Variants in DPP6 observed in about 807,000 individuals in gnomAD.
The protein encoded by DPP6 is A-type potassium channel modulatory protein DPP6.
In DPP6, 69 loss-of-function variants were observed where a neutral mutation model predicts 122.6. The ratio of observed to expected loss-of-function variants is 0.56; its 90% CI spans 0.46 to 0.69. DPP6 has a LOEUF of 0.69. Ranked by LOEUF, DPP6 falls within the 30% of genes least tolerant of loss-of-function variation. The pLI is 0.00. For missense variants in DPP6, 928 were observed against 1,116.9 expected (o/e 0.83, Z 2.41); for synonymous variants, 418 against 433.1 (o/e 0.97, Z 0.43).
Position 153,920,561 on chromosome 7 carries a change from C to CTTTTTTTTTTTTTTTTTTTT in DPP6, c.51+32828_51+32829insTTTTTTTTTTTTTTTTTTTT, listed in dbSNP as rs1489811189. On this transcript the variant is annotated intron_variant, in intron 1 of 25. Transcript: ENST00000404039. The stretch of plus-strand genomic sequence containing the variant: ...TAGTCAACCTTTTTCTTTTATCTCT[C>CTTTTTTTTTTTTTTTTTTTT]TCTTTTTTTTTTTTTTTTTGAGATG... 1.8e-4 allele frequency among the ~76,000 whole-genome samples: 11 copies of CTTTTTTTTTTTTTTTTTTTT among 62,478 alleles called. 3 individuals carry two copies. The highest frequency in any genetic ancestry group is 1.5e-4 in the African/African-American group (2 of 13,392). The allele number at this position is 62,478 out of a possible 152,430, so 41.0% of individuals were successfully genotyped here. A position where few individuals can be genotyped will look rare whatever the true frequency, so the allele number is the denominator to read the frequency against.
chr7:154,448,488 A>C (rs758583133), intron 2 of DPP6, among the ~76,000 whole-genome samples: 4 of 152,206 alleles, frequency 2.6e-5, no homozygotes, highest in Non-Finnish European at 5.9e-5. Context: ...CATATCATTA[A>C]CATGACAATA....
chr7:154,080,915 TGGATG>T (rs1270571139), intron 1 of DPP6, among the ~76,000 whole-genome samples: 6 of 152,132 alleles, frequency 3.9e-5, no homozygotes, highest in African/African-American at 1.4e-4. Context: ...TGGGTGTGCC[TGGATG>T]CTGAGAAAAC....
chr7:154,402,248 G>C (rs957705076), intron 1 of DPP6, among the ~76,000 whole-genome samples: 3 of 152,134 alleles, frequency 2.0e-5, no homozygotes, highest in South Asian at 4.2e-4. Flanking sequence ...CCATTACTGG[G>C]TATATACCCA....
chr7:153,837,549 T>TA, the DPP6 span, among the ~76,000 whole-genome samples: 1 of 152,206 alleles, frequency 6.6e-6, no homozygotes, highest in African/African-American at 2.4e-5. Context: ...ACCTGTTAAT[T>TA]AAAAATCCCT....
At chr7:154,079,024 C>T (rs558861449) in intron 1 of DPP6, among the ~76,000 whole-genome samples, 16 of 151,018 alleles carry the variant, frequency 1.1e-4, no homozygotes, top group South Asian at 4.2e-4. Context: ...TTTGGGAGGC[C>T]GAGGTGGGTG....
intron 4 of DPP6, among the ~76,000 whole-genome samples, chr7:154,554,503 C>A (rs1342650540): frequency 6.6e-6 from 1 of 152,028 alleles, no homozygotes; most frequent in South Asian, 2.1e-4. Flanking sequence ...TAACAACCAC[C>A]TTTTCTTCTC....
At chr7:153,752,968 T>G in the DPP6 span, among the ~76,000 whole-genome samples, 13 of 152,192 alleles carry the variant, frequency 8.5e-5, no homozygotes, top group Non-Finnish European at 1.5e-4. Flanking sequence ...AGTTTGCATA[T>G]AGTAAGCATT....
At chr7:153,805,728 C>A in the DPP6 span, among the ~76,000 whole-genome samples, 1 of 152,232 alleles carries the variant, frequency 6.6e-6, no homozygotes, top group Middle Eastern at 3.4e-3. Context: ...TGGAAACCAT[C>A]ATTCTCAGCA....
intron 1 of DPP6, among the ~76,000 whole-genome samples, chr7:153,966,600 CCTT>C (rs140524912): frequency 0.56 from 20,398 of 36,740 alleles, 2,818 homozygotes; most frequent in African/African-American, 0.59. Flanking sequence ...TGCATATAGC[CCTT>C]TTTTTTTAAA....
intron 1 of DPP6, among the ~76,000 whole-genome samples, chr7:154,128,418 T>C (rs186220797): frequency 0.03 from 4,562 of 152,300 alleles, 93 homozygotes; most frequent in Middle Eastern, 0.048. Context: ...TTTTCTTTTT[T>C]TGAGACGGAG....
At chr7:153,770,371 G>A in the DPP6 span, among the ~76,000 whole-genome samples, 2 of 152,118 alleles carry the variant, frequency 1.3e-5, no homozygotes, top group African/African-American at 4.8e-5. Flanking sequence ...GGCTGAAGCC[G>A]AGGACAAAGA....
intron 1 of DPP6, among the ~76,000 whole-genome samples, chr7:154,232,992 C>G (rs556851645): frequency 6.6e-6 from 1 of 152,162 alleles, no homozygotes; most frequent in African/African-American, 2.4e-5. Flanking sequence ...ATTTCCTGCT[C>G]GTGTCAAAAA....
At chr7:154,120,162 A>AT (rs953836006) in intron 1 of DPP6, among the ~76,000 whole-genome samples, 4 of 150,706 alleles carry the variant, frequency 2.7e-5, no homozygotes, top group Non-Finnish European at 4.4e-5. Context: ...ACACTTTATA[A>AT]TTTTTTTTTA....
chr7:154,066,714 G>A (rs1802756257), intron 1 of DPP6, among the ~76,000 whole-genome samples: 1 of 151,614 alleles, frequency 6.6e-6, no homozygotes, highest in Admixed American at 6.6e-5. Flanking sequence ...AGTGGATATT[G>A]TACAATAAAG....
At chr7:153,827,928 A>G in the DPP6 span, among the ~76,000 whole-genome samples, 80 of 152,330 alleles carry the variant, frequency 5.3e-4, no homozygotes, top group Admixed American at 4.6e-3. Flanking sequence ...CAAGGAGCCT[A>G]GTAGAGTCGG....
chr7:154,831,185 CA>C (rs1444526111), intron 16 of DPP6, among the ~76,000 whole-genome samples: 2 of 152,206 alleles, frequency 1.3e-5, no homozygotes, highest in Admixed American at 1.3e-4. Context: ...CACACCAATC[CA>C]CGACCAGTCG....
intron 1 of DPP6, among the ~76,000 whole-genome samples, chr7:154,182,181 C>G (rs975784774): frequency 3.9e-5 from 6 of 152,084 alleles, no homozygotes; most frequent in Non-Finnish European, 8.8e-5. Context: ...TTGCAAAATA[C>G]CATTGCACAC....
the DPP6 span, among the ~76,000 whole-genome samples, chr7:153,854,404 A>C: frequency 6.6e-6 from 1 of 151,744 alleles, no homozygotes; most frequent in African/African-American, 2.4e-5. Context: ...AAAAACAAAC[A>C]ACCCCATCAA....
intron 3 of DPP6, among the ~76,000 whole-genome samples, chr7:154,534,105 T>C (rs1161579357): frequency 1.3e-5 from 2 of 152,142 alleles, no homozygotes; most frequent in African/African-American, 2.4e-5. Context: ...TGAACATAGC[T>C]CACTGTATTA....
Sources: allele counts gnomAD v4.1 joint callset (sites outside exome capture counted in the v4.1 genomes callset), GRCh38; gene constraint gnomAD v4.1.1; transcripts MANE v1.5; gene names NCBI Gene and HGNC (gene_info 2026-07-23, HGNC 2026-07-21).